Variants in FARP2 observed in about 807,000 individuals in gnomAD.
FARP2 encodes FERM, ARH/RhoGEF and pleckstrin domain protein 2.
FARP2 carries 111 observed loss-of-function variants against 130.5 expected under a neutral mutation model. The ratio of observed to expected loss-of-function variants is 0.85; its 90% confidence interval spans 0.73 to 1.00. The LOEUF (loss-of-function observed/expected upper bound fraction) is 1.00, where lower values mean the gene tolerates loss of function less well. FARP2 is among the 50% of genes least tolerant of loss of function. The pLI, the probability that FARP2 is intolerant of heterozygous loss-of-function variation, is 0.00. For synonymous variants in FARP2, 504 were observed against 516.9 expected (o/e 0.98, Z 0.34); for missense variants, 1,385 against 1,346.3 (o/e 1.03, Z -0.45).
At chr2:241,441,739 G>C in intron 13 of FARP2, 183 bp downstream of exon 13, 1 of 908,518 alleles carries the variant, frequency 1.1e-6, no homozygotes, top group South Asian at 1.6e-5. Context: ...GCACCGGTGT[G>C]ACCGGCAGTG....
intron 9 of FARP2, among the ~76,000 whole-genome samples, 193 bp from the exon 10 acceptor site, chr2:241,433,965 G>A (rs949027502): frequency 1.3e-5 from 2 of 152,162 alleles, no homozygotes; most frequent in Non-Finnish European, 2.9e-5. Flanking sequence ...GAGCCTGGGA[G>A]GTTGAAGTTG....
At chr2:241,370,690 T>C (rs2061405736) in intron 1 of FARP2, among the ~76,000 whole-genome samples, 1 of 152,210 alleles carries the variant, frequency 6.6e-6, no homozygotes, top group African/African-American at 2.4e-5. Flanking sequence ...AATATTAGTG[T>C]TGCAAAAACG....
intron 1 of FARP2, among the ~76,000 whole-genome samples, chr2:241,370,513 T>G (rs1355219529): frequency 1.3e-5 from 2 of 152,172 alleles, no homozygotes; most frequent in Non-Finnish European, 2.9e-5. Context: ...GGCATCATGT[T>G]GTACATGATA....
At chr2:241,479,336 C>T (rs1376938445) in intron 19 of FARP2, among the ~76,000 whole-genome samples, 3 of 152,242 alleles carry the variant, frequency 2.0e-5, no homozygotes, top group Non-Finnish European at 2.9e-5. Flanking sequence ...AAGCAGCCTG[C>T]GCTTCACTGG....
At chr2:241,477,050 T>C (rs2064487356) in intron 19 of FARP2, among the ~76,000 whole-genome samples, 1 of 151,944 alleles carries the variant, frequency 6.6e-6, no homozygotes, top group Admixed American at 6.6e-5. Context: ...ATAGAAATGG[T>C]ATCACACATT....
At chr2:241,455,181 A>G (rs2063797536) in intron 13 of FARP2, among the ~76,000 whole-genome samples, 1 of 152,224 alleles carries the variant, frequency 6.6e-6, no homozygotes, top group Non-Finnish European at 1.5e-5. Context: ...TGCCAACAGT[A>G]GTGTGAGAGA....
chr2:241,358,522 T>G (rs558918198), intron 1 of FARP2, among the ~76,000 whole-genome samples: 2 of 152,354 alleles, frequency 1.3e-5, no homozygotes, highest in South Asian at 4.1e-4. Flanking sequence ...TCTAGTCACA[T>G]CAATACCTCT....
At chr2:241,406,189 T>C (rs968233937) in intron 4 of FARP2, among the ~76,000 whole-genome samples, 2 of 150,508 alleles carry the variant, frequency 1.3e-5, no homozygotes, top group Non-Finnish European at 3.0e-5. Flanking sequence ...GCGCCTGTAG[T>C]CCCAGCTACT....
At chr2:241,490,988 T>C (rs2064878008) in intron 22 of FARP2, 73 bp from the exon 23 acceptor site, 2 of 1,162,576 alleles carry the variant, frequency 1.7e-6, no homozygotes, top group East Asian at 4.7e-5. Context: ...CCCTGACGGC[T>C]CGCCCTCCCT....
intron 24 of FARP2, chr2:241,492,708 G>A (rs747250814): frequency 2.4e-4 from 124 of 524,418 alleles, no homozygotes; most frequent in Non-Finnish European, 3.4e-4. Flanking sequence ...CACAGGGAAA[G>A]GGAACTCACT....
At chr2:241,427,348 T>C (rs2062968320) in intron 8 of FARP2, among the ~76,000 whole-genome samples, 1 of 152,094 alleles carries the variant, frequency 6.6e-6, no homozygotes, top group African/African-American at 2.4e-5. Context: ...ATAAGTAATC[T>C]AGAAATGATT....
At chr2:241,485,992 T>C (rs1488327403) in intron 21 of FARP2, among the ~76,000 whole-genome samples, 1 of 152,252 alleles carries the variant, frequency 6.6e-6, no homozygotes, top group African/African-American at 2.4e-5. Flanking sequence ...GGCAGGTGTT[T>C]GTAAAATTTA....
chr2:241,490,070 T>A, intron 22 of FARP2, 26 bp downstream of exon 22: 3 of 1,534,966 alleles, frequency 2.0e-6, no homozygotes, highest in Non-Finnish European at 2.7e-6. Context: ...GTCTCCATCC[T>A]GAGCAGCCCT....
At chr2:241,385,159 A>T (rs2061755122) in intron 2 of FARP2, among the ~76,000 whole-genome samples, 1 of 152,166 alleles carries the variant, frequency 6.6e-6, no homozygotes, top group Non-Finnish European at 1.5e-5. Context: ...ATTTAGAGGA[A>T]TCAAATTTGG....
At chr2:241,485,195 C>T (rs2064721280) in intron 21 of FARP2, among the ~76,000 whole-genome samples, 1 of 151,694 alleles carries the variant, frequency 6.6e-6, no homozygotes, top group Non-Finnish European at 1.5e-5. Context: ...AAGGTCCTTC[C>T]TCACTCCCTG....
At chr2:241,380,704 A>T (rs923638790) in intron 2 of FARP2, among the ~76,000 whole-genome samples, 3 of 150,976 alleles carry the variant, frequency 2.0e-5, no homozygotes, top group East Asian at 1.9e-4. Context: ...ATTATATTAT[A>T]TGGGATTATA....
At chr2:241,369,679 C>T (rs2061384380) in intron 1 of FARP2, among the ~76,000 whole-genome samples, 1 of 152,006 alleles carries the variant, frequency 6.6e-6, no homozygotes, top group Admixed American at 6.6e-5. Flanking sequence ...GAAATGACTT[C>T]TAAAAATGTA....
intron 2 of FARP2, among the ~76,000 whole-genome samples, chr2:241,373,716 CAG>C (rs1320730162): frequency 6.6e-6 from 1 of 152,196 alleles, no homozygotes; most frequent in Non-Finnish European, 1.5e-5. Context: ...CCCTCTTTCT[CAG>C]AGCTGCTGGT....
In FARP2 at chr2:241,369,664, TAA is replaced by T. The variant is rs905511321; in HGVS notation, c.-24-3419_-24-3418del. ...AATGAGAATTATACAGTAGAATAAA[TAA>T]GAGAAATGACTTCTAAAAATGTATT... On this transcript the variant is annotated intron_variant, in intron 1 of 26. Transcript: ENST00000264042. Among the ~76,000 whole-genome samples the T allele has an allele frequency of 2.6e-5, 4 of 151,232 alleles. 1 individual carries two copies. Among genetic ancestry groups the T allele is most frequent in the African/African-American group, 9.9e-5 (4 of 40,546 alleles).
Sources: gnomAD v4.1 joint callset for allele counts (sites outside exome capture counted in the v4.1 genomes callset) on GRCh38, gnomAD v4.1.1 for gene constraint, MANE v1.5 for transcripts, NCBI Gene and HGNC (gene_info 2026-07-23, HGNC 2026-07-21) for gene names.